Variants in STARD4 observed in about 807,000 individuals in gnomAD.
STARD4 encodes the protein StAR related lipid transfer domain containing 4.
Under a neutral mutation model 24.9 loss-of-function variants are expected in STARD4, and 33 were observed. That is an observed-to-expected ratio of 1.32 (90% CI 1.00 to 1.77). The LOEUF (loss-of-function observed/expected upper bound fraction) is 1.77, where lower values mean the gene tolerates loss of function less well. Ranked by LOEUF, STARD4 falls within the 40% of genes most tolerant of loss-of-function variation. The pLI is 0.00. For synonymous variants in STARD4, 88 were observed against 77.4 expected, an observed-to-expected ratio of 1.14 and a Z score of -0.72; for missense variants, 238 against 249.3, an observed-to-expected ratio of 0.95 and a Z score of 0.31.
At position 111,497,527 on chromosome 5, in the gene STARD4, T is replaced by G. The variant is rs899165272; in HGVS notation, c.*2359A>C. ...GATTTCAAAAAATTAGTACAAGAAATAGTACAAACTATCAGAATAAATCTT... is the reference window on the plus strand; with the variant it reads ...GATTTCAAAAAATTAGTACAAGAAAGAGTACAAACTATCAGAATAAATCTT... On this transcript the variant is annotated 3_prime_UTR_variant, in exon 6 of 6. Transcript: ENST00000296632. 5.3e-5 allele frequency: 8 copies of G among 152,044 alleles called. No individual in the cohort carries two copies. Among genetic ancestry groups the G allele is most frequent in the African/African-American group, 1.9e-4 (8 of 41,442 alleles). 9.4% of individuals were successfully genotyped at this position (152,044 alleles called of 1,614,324 possible). A position where few individuals can be genotyped will look rare whatever the true frequency, so the allele number is the denominator to read the frequency against.
rs1002906717 is a variant in STARD4, at chr5:111,497,964, A to G, written c.*1922T>C. ...AAAAAGACAAAAGGAATCTTTTGGA[A>G]TGATGGAAACGTTCTAAATCCAGAT... On this transcript the variant is annotated 3_prime_UTR_variant, in exon 6 of 6. Coordinates refer to ENST00000296632, the MANE Select transcript of STARD4 (RefSeq NM_139164.3). 2 of 152,082 alleles carry G rather than the reference A, an allele frequency of 1.3e-5. No individual in the cohort carries two copies. The highest frequency in any genetic ancestry group is 4.8e-5 in the African/African-American group (2 of 41,442). The allele number at this position is 152,082 out of a possible 1,614,324, so 9.4% of individuals were successfully genotyped here. A position where few individuals can be genotyped will look rare whatever the true frequency, so the allele number is the denominator to read the frequency against.
In STARD4 at chr5:111,508,929, A is replaced by C. The variant is rs143052932; in HGVS notation, c.-9-1487T>G. Among the ~76,000 whole-genome samples the C allele has an allele frequency of 4.8e-3, 735 of 152,292 alleles. 9 individuals are homozygous for C. Among genetic ancestry groups the C allele is most frequent in the African/African-American group, 0.017 (702 of 41,584 alleles). On this transcript the variant is annotated intron_variant, in intron 1 of 5. Transcript: ENST00000296632. ...GCCATTAAAATTTATAAATACTAAAATTATGTAGAAACATGGGAAAGTATA... is the reference window on the plus strand; with the variant it reads ...GCCATTAAAATTTATAAATACTAAACTTATGTAGAAACATGGGAAAGTATA...
intron 3 of STARD4, among the ~76,000 whole-genome samples, chr5:111,505,957 T>C (rs557151942): frequency 3.9e-5 from 6 of 152,010 alleles, no homozygotes; most frequent in Non-Finnish European, 8.8e-5. Context: ...TCCCAGCAAT[T>C]TGGGAAACCA....
In STARD4 at chr5:111,501,961, C is replaced by T. The variant is rs749811876; in HGVS notation, c.282+1G>A. The T allele has an allele frequency of 1.3e-5, 21 of 1,613,812 alleles. No individual in the cohort carries two copies. The highest frequency in any genetic ancestry group is 1.8e-5 in the Non-Finnish European group (21 of 1,179,950). ...CTAAAGTAATGTTTCTAAATAGATA[C>T]CTCTTCAAAGTTCTCCAGAATATCC... is the stretch of plus-strand genomic sequence containing the variant. On this transcript the variant is annotated splice_donor_variant, in intron 4 of 5. Coordinates refer to ENST00000296632, the MANE Select transcript of STARD4 (RefSeq NM_139164.3). LOFTEE classifies it high-confidence loss of function.
At chr5:111,504,843 A>G (rs1756731734) in intron 3 of STARD4, among the ~76,000 whole-genome samples, 1 of 152,168 alleles carries the variant, frequency 6.6e-6, no homozygotes, top group Non-Finnish European at 1.5e-5. Context: ...TATCAGGACG[A>G]TTTCCTAAAT....
rs1285580796 is a variant in STARD4, at chr5:111,507,924, C to G, written c.-9-482G>C. 6.6e-6 allele frequency among the ~76,000 whole-genome samples: 1 copy of G among 152,108 alleles called. No individual in the cohort carries two copies. The highest frequency in any genetic ancestry group is 1.5e-5 in the Non-Finnish European group (1 of 67,988). On this transcript the variant is annotated intron_variant, in intron 1 of 5. Coordinates refer to ENST00000296632, the MANE Select transcript of STARD4 (RefSeq NM_139164.3). This position sits in a 1 kb window ranked among gnomAD's most constrained non-coding sequence, Gnocchi z 4.4. The stretch of plus-strand genomic sequence containing the variant: ...TTTTAACAATTTACTATTAAAATGG[C>G]AATTGAGCCCAAGTTCTCAAGTCAA...
At chr5:111,500,806 C>A (rs1428095677) in intron 5 of STARD4, 196 bp downstream of exon 5, 2 of 1,480,694 alleles carry the variant, frequency 1.4e-6, no homozygotes, top group Non-Finnish European at 1.8e-6. Context: ...TAACTGGGAA[C>A]AAAAACTTAT....
chr5:111,510,026 A>G lies in STARD4; in HGVS notation c.-10+2359T>C, dbSNP rs1040441806. ...AAAAACTAAAACATTAAAAAATTCT[A>G]TTAATAGCCTTTTTAAGAGTGGTGC... is the stretch of plus-strand genomic sequence containing the variant. On this transcript the variant is annotated intron_variant, in intron 1 of 5. Coordinates refer to ENST00000296632, the MANE Select transcript of STARD4 (RefSeq NM_139164.3). Among the ~76,000 whole-genome samples, 16 of 152,190 alleles carry G rather than the reference A, an allele frequency of 1.1e-4. 1 individual carries two copies. Among genetic ancestry groups the G allele is most frequent in the Admixed American group, 3.9e-4 (6 of 15,288 alleles).
rs150002350 is a variant in STARD4, at chr5:111,503,242, A to G, written c.156-1154T>C. On this transcript the variant is annotated intron_variant, in intron 3 of 5. Coordinates refer to ENST00000296632, the MANE Select transcript of STARD4 (RefSeq NM_139164.3). Reference sequence around the variant, plus strand: ...ACAATTCCATAAATGGTGTGCCTAGATTCAATAGTTATCCTTATGGAGAAA... The same window carrying G: ...ACAATTCCATAAATGGTGTGCCTAGGTTCAATAGTTATCCTTATGGAGAAA... Among the ~76,000 whole-genome samples the G allele has an allele frequency of 6.1e-3, 928 of 152,336 alleles. 11 individuals carry two copies. Among genetic ancestry groups the G allele is most frequent in the African/African-American group, 0.021 (881 of 41,578 alleles).
At position 111,503,921 on chromosome 5, in the gene STARD4, G is replaced by C. The variant is rs376175520; in HGVS notation, c.156-1833C>G. Among the ~76,000 whole-genome samples, 124 of 152,162 alleles carry C rather than the reference G, an allele frequency of 8.1e-4. 3 individuals are homozygous for C. The South Asian group carries it at 0.024, about 30-fold the overall frequency. ...AACTCCTATAAACCAATGAGAAAAA[G>C]AAAATCCAAAGAAAAGATGTGCAAA... On this transcript the variant is annotated intron_variant, in intron 3 of 5. Transcript: ENST00000296632.
chr5:111,501,910 C>A, intron 4 of STARD4, 52 bp downstream of exon 4: 1 of 1,567,444 alleles, frequency 6.4e-7, no homozygotes, highest in Non-Finnish European at 8.7e-7. Context: ...CTCACTCATG[C>A]CCTCCCTCAT....
intron 5 of STARD4, chr5:111,500,618 A>G: frequency 8.8e-7 from 1 of 1,138,890 alleles, no homozygotes; most frequent in South Asian, 3.4e-5. Flanking sequence ...AAAGAAAAAT[A>G]CAACACAGCT....
At position 111,497,646 on chromosome 5, in the gene STARD4, A is replaced by G. The variant is rs1406726056; in HGVS notation, c.*2240T>C. 1 of 152,058 alleles carries G rather than the reference A, an allele frequency of 6.6e-6. No homozygotes were observed. Among genetic ancestry groups the G allele is most frequent in the Non-Finnish European group, 1.5e-5 (1 of 67,916 alleles). The allele number at this position is 152,058 out of a possible 1,614,324, so 9.4% of individuals were successfully genotyped here. A position where few individuals can be genotyped will look rare whatever the true frequency, so the allele number is the denominator to read the frequency against. ...TTCAGCTGTTTATTTTTATTTTTTAATGTGGCTTCTAGAATTTTTTAATTA... is the reference window on the plus strand; with the variant it reads ...TTCAGCTGTTTATTTTTATTTTTTAGTGTGGCTTCTAGAATTTTTTAATTA... On this transcript the variant is annotated 3_prime_UTR_variant, in exon 6 of 6. Transcript: ENST00000296632.
At chr5:111,505,289 A>G (rs1047433644) in intron 3 of STARD4, among the ~76,000 whole-genome samples, 4 of 152,228 alleles carry the variant, frequency 2.6e-5, no homozygotes, top group African/African-American at 9.6e-5. Flanking sequence ...ATACTTGCTT[A>G]CAATGCTTAA....
At chr5:111,504,959 T>C (rs571135863) in intron 3 of STARD4, 27 of 444,508 alleles carry the variant, frequency 6.1e-5, no homozygotes, top group African/African-American at 5.1e-4. Context: ...TTTTGACTTC[T>C]GTGCTGCGGC....
In STARD4 at chr5:111,496,662, C is replaced by A. The variant is rs2112530092; in HGVS notation, c.*3224G>T. On this transcript the variant is annotated 3_prime_UTR_variant, in exon 6 of 6. Coordinates refer to ENST00000296632, the MANE Select transcript of STARD4 (RefSeq NM_139164.3). The stretch of plus-strand genomic sequence containing the variant: ...TTCCCATCTTCTCCAGATACAACCT[C>A]AATTACATAGTTTTTTAGCTTGAGA... The A allele has an allele frequency of 6.6e-6, 1 of 152,164 alleles. No homozygotes were observed. Among genetic ancestry groups the A allele is most frequent in the African/African-American group, 2.4e-5 (1 of 41,550 alleles). The allele number at this position is 152,164 out of a possible 1,614,324, so 9.4% of individuals were successfully genotyped here. A position where few individuals can be genotyped will look rare whatever the true frequency, so the allele number is the denominator to read the frequency against.
intron 3 of STARD4, among the ~76,000 whole-genome samples, chr5:111,503,671 T>G (rs1756637190): frequency 6.6e-6 from 1 of 151,974 alleles, no homozygotes; most frequent in Admixed American, 6.6e-5. Flanking sequence ...AACTTTAAAA[T>G]TTTGAGAAAA....
At position 111,502,707 on chromosome 5, in the gene STARD4, C is replaced by T. The variant is rs549754349; in HGVS notation, c.156-619G>A. Among the ~76,000 whole-genome samples, 295 of 151,768 alleles carry T rather than the reference C, an allele frequency of 1.9e-3. 2 individuals carry two copies. Among genetic ancestry groups the T allele is most frequent in the African/African-American group, 6.6e-3 (275 of 41,392 alleles). ...ACTTGGGAGGCTGAGGCAGGAGAAT[C>T]GCTTGAACCTGGGAGGCGGAGGTTG... is the stretch of plus-strand genomic sequence containing the variant. On this transcript the variant is annotated intron_variant, in intron 3 of 5. Coordinates refer to ENST00000296632, the MANE Select transcript of STARD4 (RefSeq NM_139164.3).
intron 5 of STARD4, 143 bp downstream of exon 5, chr5:111,500,859 C>T (rs1756384672): frequency 6.4e-7 from 1 of 1,565,564 alleles, no homozygotes; most frequent in Admixed American, 2.1e-5. Flanking sequence ...ATTTTACTCC[C>T]TAGAGTTTAG....
Sources: gnomAD v4.1 joint callset for allele counts (sites outside exome capture counted in the v4.1 genomes callset) on GRCh38, gnomAD v4.1.1 for gene constraint, Gnocchi (gnomAD v3.1) non-coding constraint, MANE v1.5 for transcripts, NCBI Gene and HGNC (gene_info 2026-07-23, HGNC 2026-07-21) for gene names.